The following SPAG5 variants were observed in gnomAD, a reference collection of about 807,000 sequenced individuals.
SPAG5 encodes the protein sperm-associated antigen 5.
Under a neutral mutation model 145.4 loss-of-function variants are expected in SPAG5, and 99 were observed. That is an observed-to-expected ratio of 0.68 (90% CI 0.58 to 0.80). SPAG5 has a LOEUF of 0.80. SPAG5 is among the 30% of genes least tolerant of loss of function. SPAG5 has a pLI of 0.00. For synonymous variants in SPAG5, 477 were observed against 525.4 expected (o/e 0.91, Z 1.26); for missense variants, 1,192 against 1,416.0 (o/e 0.84, Z 2.54).
chr17:28,585,696 G>A (rs762672141), intron 7 of SPAG5, 43 bp from the exon 8 acceptor site: 3 of 1,611,882 alleles, frequency 1.9e-6, no homozygotes, highest in Admixed American at 3.3e-5. Context: ...GGCAACAGGG[G>A]AGCCAGCACA....
chr17:28,584,406 A>G lies in SPAG5; in HGVS notation c.2236T>C (p.Cys746Arg). The stretch of plus-strand genomic sequence containing the variant: ...TCCTTCATAGCCAGGTCCTGGGCAC[A>G]ATGGGTATGCTGACTCTGTAGCTCT... ...LKELQSQHTH[C>R]AQDLAMKDEL... Residue 746 changes from cysteine to arginine, a missense_variant, in exon 12 of 24, where the codon TGT becomes CGT. Around this residue, in one of 5 missense-constraint regions of SPAG5, gnomAD observed 709 missense variants for 840.7 expected, o/e 0.84. Coordinates refer to ENST00000321765, the MANE Select transcript of SPAG5 (RefSeq NM_006461.4). The G allele has an allele frequency of 1.2e-6, 2 of 1,614,172 alleles. No individual in the cohort carries two copies. The highest frequency in any genetic ancestry group is 1.7e-6 in the Non-Finnish European group (2 of 1,180,034).
chr17:28,597,519 A>C (rs556656930), intron 2 of SPAG5, among the ~76,000 whole-genome samples: 2 of 152,304 alleles, frequency 1.3e-5, no homozygotes, highest in Admixed American at 6.5e-5. Flanking sequence ...AGATTATCAA[A>C]TATTTCCCTC....
intron 15 of SPAG5, among the ~76,000 whole-genome samples, chr17:28,581,938 G>A (rs1421212721): frequency 5.3e-5 from 8 of 152,162 alleles, no homozygotes; most frequent in African/African-American, 1.2e-4. Flanking sequence ...CAGCTGACCC[G>A]CTGGGCCCTC....
intron 2 of SPAG5, among the ~76,000 whole-genome samples, chr17:28,597,182 C>T (rs1203881341): frequency 6.6e-6 from 1 of 151,348 alleles, no homozygotes; most frequent in Non-Finnish European, 1.5e-5. Context: ...TTTGGGAGGC[C>T]GAGGCGGGCG....
At position 28,598,847 on chromosome 17, in the gene SPAG5, C is replaced by G. The variant is rs1342891885; in HGVS notation, c.51+49G>C. The G allele has an allele frequency of 1.1e-5, 18 of 1,604,026 alleles. No homozygotes were observed. The East Asian group carries it at 4.0e-4, about 36-fold the overall frequency. On this transcript the variant is annotated intron_variant, in intron 1 of 23. Transcript: ENST00000321765. ...GGACAGTAGACACGGCCGGTGCCCC[C>G]GCGACAGCAGCCCGGCCCAGTTCTC...
chr17:28,579,938 C>T (rs1427238067), intron 16 of SPAG5, 71 bp downstream of exon 16: 15 of 1,499,626 alleles, frequency 1.0e-5, no homozygotes, highest in South Asian at 2.3e-5. Context: ...CGCTGGTGGA[C>T]ATCTTCAACA....
rs1358140256 is a variant in SPAG5 at position 28,592,228 on chromosome 17, C to T, written c.1016G>A (p.Trp339Ter). ...TTCCAGCCAGGCCAGTGGGGACATC[C>T]AAGACTCTGTATCAGAGCCAAGAAT... ...GRILGSDTESWMSPLAWLEKG... is the reference protein window; with the variant it reads ...GRILGSDTES Residue 339 changes from tryptophan (W) to a stop codon, truncating the protein, a stop_gained, in exon 3 of 24, where the codon TGG (tryptophan) becomes TAG (stop). Transcript: ENST00000321765. LOFTEE classifies it high-confidence loss of function. The T allele has an allele frequency of 6.2e-7, 1 of 1,614,072 alleles. No individual in the cohort carries two copies. Among genetic ancestry groups the T allele is most frequent in the Non-Finnish European group, 8.5e-7 (1 of 1,180,056 alleles).
chr17:28,587,939 T>G (rs537538685), intron 4 of SPAG5, among the ~76,000 whole-genome samples: 1 of 152,182 alleles, frequency 6.6e-6, no homozygotes, highest in South Asian at 2.1e-4. Context: ...CTGGGTCAGA[T>G]AGATAAAACT....
At chr17:28,585,057 T>C in intron 10 of SPAG5, 45 bp downstream of exon 10, 1 of 1,527,864 alleles carries the variant, frequency 6.5e-7, no homozygotes, top group Non-Finnish European at 9.1e-7. Flanking sequence ...TATCACACAT[T>C]AGGAAGGAAA....
In SPAG5 at chr17:28,579,450, T is replaced by G; in HGVS notation, c.2920A>C (p.Ser974Arg). The change falls in exon 18 of 24, where the codon AGT becomes CGT. Residue 974 changes from serine (S) to arginine (R), a missense_variant. Coordinates refer to ENST00000321765, the MANE Select transcript of SPAG5 (RefSeq NM_006461.4). ...CTCTGAAGCTCAGTAGTCATAATAC[T>G]CATTTCTGCCAGGCTCTCCTCCATG... ...PGMEESLAEM[S>R]IMTTELQSLC... The G allele has an allele frequency of 6.2e-7, 1 of 1,614,124 alleles. No individual in the cohort carries two copies. The highest frequency in any genetic ancestry group is 8.5e-7 in the Non-Finnish European group (1 of 1,179,988).
chr17:28,580,142 T>C (rs755304778), intron 15 of SPAG5, 22 bp from the exon 16 acceptor site: 32 of 1,567,888 alleles, frequency 2.0e-5, no homozygotes, highest in South Asian at 3.4e-5. Context: ...GAAGAAAAAA[T>C]AGCTGCTGTT....
At chr17:28,586,211 T>G in intron 5 of SPAG5, 29 bp from the exon 6 acceptor site, 1 of 1,567,552 alleles carries the variant, frequency 6.4e-7, no homozygotes, top group Non-Finnish European at 8.8e-7. Flanking sequence ...GTAGGTGAGA[T>G]CAAATAAAGT....
Position 28,589,089 on chromosome 17 carries a change from A to G in SPAG5, c.1438-2590T>C, listed in dbSNP as rs536327515. Among the ~76,000 whole-genome samples, 522 of 152,072 alleles carry G rather than the reference A, an allele frequency of 3.4e-3. 1 individual carries two copies. The highest frequency in any genetic ancestry group is 6.3e-3 in the Admixed American group (96 of 15,244). On this transcript the variant is annotated intron_variant, in intron 4 of 23. Coordinates refer to ENST00000321765, the MANE Select transcript of SPAG5 (RefSeq NM_006461.4). ...AATGTCCAGCATATTACCAATATTG[A>G]CAATTTAAAATAATTTTTTTTTTTT...
At position 28,585,898 on chromosome 17, in the gene SPAG5, T is replaced by A; in HGVS notation, c.1706A>T (p.His569Leu). ...SLKAEREEAR[H>L]REEMALRGKD... is the part of the protein sequence containing the mutation. ...GCCTCTGAGAGCCATTTCCTCTCTG[T>A]GCCTTGCCTCCTCCCTTTCTGCTTT... is the stretch of plus-strand genomic sequence containing the variant. The change falls in exon 7 of 24, where the codon CAC (histidine) becomes CTC (leucine). Residue 569 changes from histidine to leucine, a missense_variant. Physicochemically the swap from His to Leu is moderately conservative, Grantham distance 99. Around this residue, in one of 5 missense-constraint regions of SPAG5, gnomAD observed 709 missense variants for 840.7 expected, o/e 0.84. Coordinates refer to ENST00000321765, the MANE Select transcript of SPAG5 (RefSeq NM_006461.4). 1 of 1,614,256 alleles carries A rather than the reference T, an allele frequency of 6.2e-7. No individual in the cohort carries two copies. Among genetic ancestry groups the A allele is most frequent in the East Asian group, 2.2e-5 (1 of 44,892 alleles).
chr17:28,583,236 A>C (rs1431809543), intron 15 of SPAG5, among the ~76,000 whole-genome samples: 1 of 152,204 alleles, frequency 6.6e-6, no homozygotes, highest in African/African-American at 2.4e-5. Context: ...AGTTTGAAGA[A>C]AGAATAGAAT....
In SPAG5 at chr17:28,584,735, A is replaced by C; in HGVS notation, c.2078T>G (p.Val693Gly). ...TAACTGGGCAGAGACTTGTTCCAGC[A>C]CCCTAGAAACCTAGGAAGAACAGAT... is the stretch of plus-strand genomic sequence containing the variant. ...AIEEKQEVSR[V>G]LEQVSAQLEE... Residue 693 changes from valine to glycine, a missense_variant, in exon 11 of 24, where the codon GTG becomes GGG. This residue lies in a region of SPAG5 where 709 missense variants were observed against 840.7 expected (regional missense o/e 0.84). Transcript: ENST00000321765. The C allele has an allele frequency of 6.2e-7, 1 of 1,612,920 alleles. No individual in the cohort carries two copies. Among genetic ancestry groups the C allele is most frequent in the Non-Finnish European group, 8.5e-7 (1 of 1,178,978 alleles).
intron 18 of SPAG5, 49 bp from the exon 19 acceptor site, chr17:28,579,301 T>C (rs376743979): frequency 4.6e-5 from 74 of 1,613,442 alleles, no homozygotes; most frequent in South Asian, 8.8e-5. Context: ...CAGGGATCAG[T>C]TGGACCCTTG....
chr17:28,585,132 T>C lies in SPAG5; in HGVS notation c.2037A>G (p.Glu679=), dbSNP rs1567624404. The C allele has an allele frequency of 6.2e-7, 1 of 1,614,236 alleles. No homozygotes were observed. Among genetic ancestry groups the C allele is most frequent in the Non-Finnish European group, 8.5e-7 (1 of 1,180,038 alleles). The change falls in exon 10 of 24, where the codon GAA becomes GAG. Residue 679 remains glutamate, a synonymous_variant. Transcript: ENST00000321765. ...LTVKSQQALQ[E]RDVAIEEKQE... is the part of the protein sequence containing the mutation. ...GCTTTTCCTCAATTGCCACATCACG[T>C]TCCTGCAGGGCTTGCTGGCTCTTGA...
chr17:28,580,928 C>T (rs1395303381), intron 15 of SPAG5, among the ~76,000 whole-genome samples: 1 of 152,194 alleles, frequency 6.6e-6, no homozygotes, highest in African/African-American at 2.4e-5. Context: ...GAAGAATCTA[C>T]CAGAAGGTTC....
Sources: allele counts gnomAD v4.1 joint callset (sites outside exome capture counted in the v4.1 genomes callset), GRCh38; gene constraint gnomAD v4.1.1; regional missense constraint gnomAD v4.1.1; transcripts MANE v1.5; gene names NCBI Gene and HGNC (gene_info 2026-07-23, HGNC 2026-07-21).